The following ARL13B variants were observed in gnomAD, a reference collection of about 807,000 sequenced individuals.
ARL13B encodes ADP-ribosylation factor-like protein 13B.
A neutral mutation model predicts 56.1 loss-of-function variants in ARL13B; 36 were observed. The observed-to-expected ratio is 0.64, with a 90% CI of 0.49 to 0.85. ARL13B has a LOEUF of 0.85. Ranked by LOEUF, ARL13B falls within the 40% of genes least tolerant of loss-of-function variation. The pLI is 0.00. For missense variants in ARL13B, 519 were observed against 507.1 expected (o/e 1.02, Z -0.23); for synonymous variants, 178 against 171.1 (o/e 1.04, Z -0.32).
chr3:94,004,674 T>C (rs1179744048), intron 3 of ARL13B, among the ~76,000 whole-genome samples: 1 of 151,716 alleles, frequency 6.6e-6, no homozygotes, highest in Non-Finnish European at 1.5e-5. Context: ...AGATGAAAAA[T>C]TGTAGAGTTT....
intron 2 of ARL13B, among the ~76,000 whole-genome samples, chr3:93,997,519 G>A (rs1234241161): frequency 6.6e-6 from 1 of 152,120 alleles, no homozygotes; most frequent in Non-Finnish European, 1.5e-5. Flanking sequence ...CTATGTCTAT[G>A]CTATCTTCTA....
intron 2 of ARL13B, among the ~76,000 whole-genome samples, chr3:94,002,926 A>G (rs2076076823): frequency 6.6e-6 from 1 of 152,066 alleles, no homozygotes; most frequent in Non-Finnish European, 1.5e-5. Flanking sequence ...ATACAGCTTT[A>G]AGGCCTAAAT....
intron 7 of ARL13B, among the ~76,000 whole-genome samples, chr3:94,045,907 T>G (rs1204863950): frequency 7.5e-6 from 1 of 132,478 alleles, no homozygotes; most frequent in Non-Finnish European, 1.5e-5. Flanking sequence ...GCCGAGATGG[T>G]GCCACTGCAC....
rs546779411 is a variant in ARL13B, at chr3:94,000,619, A to ATG, written c.131-3022_131-3021dup. On this transcript the variant is annotated intron_variant, in intron 2 of 9. Coordinates refer to ENST00000394222, the MANE Select transcript of ARL13B (RefSeq NM_001174150.2). ...ATGTTTCATATGTAGTTATTTGTGT[A>ATG]TGTGTGTGTGTGTGTGTGTATATGT... Among the ~76,000 whole-genome samples the ATG allele has an allele frequency of 4.1e-3, 614 of 148,834 alleles. 3 individuals carry two copies. Among genetic ancestry groups the ATG allele is most frequent in the South Asian group, 7.7e-3 (36 of 4,704 alleles).
chr3:94,003,927 A>G lies in ARL13B; in HGVS notation c.380+19A>G, dbSNP rs1016476537. On this transcript the variant is annotated intron_variant, in intron 3 of 9. Coordinates refer to ENST00000394222, the MANE Select transcript of ARL13B (RefSeq NM_001174150.2). ...TATTGGTGTAAGTAATGTTAGCATC[A>G]TTGTAAATGTAGGGACGATGGCATT... is the stretch of plus-strand genomic sequence containing the variant. The G allele has an allele frequency of 5.0e-6, 8 of 1,612,896 alleles. No homozygotes were observed. Among genetic ancestry groups the G allele is most frequent in the South Asian group, 2.2e-5 (2 of 91,024 alleles).
At chr3:93,986,459 T>A (rs1377392401) in intron 1 of ARL13B, among the ~76,000 whole-genome samples, 1 of 152,244 alleles carries the variant, frequency 6.6e-6, no homozygotes, top group Non-Finnish European at 1.5e-5. Flanking sequence ...AGTGATTTTT[T>A]AAAATTCTCA....
chr3:94,022,682 G>A (rs1178822026), intron 3 of ARL13B, among the ~76,000 whole-genome samples: 1 of 151,892 alleles, frequency 6.6e-6, no homozygotes, highest in Non-Finnish European at 1.5e-5. Flanking sequence ...TCAATGGATA[G>A]AGATAGAAAA....
chr3:94,029,330 A>T lies in ARL13B; in HGVS notation c.381-6001A>T, dbSNP rs28432337. 4.1e-3 allele frequency among the ~76,000 whole-genome samples: 290 copies of T among 71,132 alleles called. 3 individuals are homozygous for T. The highest frequency in any genetic ancestry group is 0.012 in the African/African-American group (168 of 13,540). The allele number at this position is 71,132 out of a possible 152,430, so 46.7% of individuals were successfully genotyped here. On this transcript the variant is annotated intron_variant, in intron 3 of 9. Coordinates refer to ENST00000394222, the MANE Select transcript of ARL13B (RefSeq NM_001174150.2). Reference sequence around the variant, plus strand: ...TATATATATATATATATATATATATATATATTTATTTTTTTTTTATTTTTT... The same window carrying T: ...TATATATATATATATATATATATATTTATATTTATTTTTTTTTTATTTTTT...
intron 2 of ARL13B, among the ~76,000 whole-genome samples, chr3:94,002,738 G>T (rs1285643580): frequency 6.6e-6 from 1 of 152,058 alleles, no homozygotes; most frequent in Non-Finnish European, 1.5e-5. Context: ...CACTATTTCA[G>T]TCACCTTAAT....
chr3:94,043,879 A>G (rs1036095445), intron 7 of ARL13B, among the ~76,000 whole-genome samples: 1 of 149,902 alleles, frequency 6.7e-6, no homozygotes, highest in African/African-American at 2.5e-5. Flanking sequence ...TCTGGTCTCC[A>G]GCTCCTGGCC....
chr3:94,001,672 C>T (rs2076057540), intron 2 of ARL13B, among the ~76,000 whole-genome samples: 1 of 152,106 alleles, frequency 6.6e-6, no homozygotes, highest in Non-Finnish European at 1.5e-5. Context: ...GGACAGCAAT[C>T]ATATCTTACT....
chr3:94,031,655 C>CA (rs1339523782), intron 3 of ARL13B, among the ~76,000 whole-genome samples: 3 of 152,024 alleles, frequency 2.0e-5, no homozygotes, highest in Non-Finnish European at 4.4e-5. Context: ...TGATGCCTCT[C>CA]AAAATAAGAA....
intron 6 of ARL13B, among the ~76,000 whole-genome samples, chr3:94,042,317 A>G (rs548523256): frequency 1.3e-5 from 2 of 152,214 alleles, no homozygotes; most frequent in Admixed American, 6.5e-5. Context: ...AAATTTGCCT[A>G]CCCACTGACT....
At position 94,039,952 on chromosome 3, in the gene ARL13B, G is replaced by A. The variant is rs762923693; in HGVS notation, c.762G>A (p.Thr254=). 9 of 1,613,900 alleles carry A rather than the reference G, an allele frequency of 5.6e-6. No individual in the cohort carries two copies. The highest frequency in any genetic ancestry group is 1.3e-5 in the African/African-American group (1 of 74,928). ...TGGCTGAGTTGGACCCAGAACCAAC[G>A]AATCCTTTCCAGCCAATAGCATCTG... ...SGLAELDPEP[T]NPFQPIASVI... is the part of the protein sequence containing the mutation. The change falls in exon 6 of 10, where the codon ACG becomes ACA. Residue 254 remains threonine, a synonymous_variant. Transcript: ENST00000394222.
chr3:94,034,011 A>G (rs905578245), intron 3 of ARL13B, among the ~76,000 whole-genome samples: 1 of 152,146 alleles, frequency 6.6e-6, no homozygotes, highest in Non-Finnish European at 1.5e-5. Context: ...AAAAGAGTTA[A>G]GTGATAAGTA....
intron 3 of ARL13B, among the ~76,000 whole-genome samples, chr3:94,024,358 AAG>A (rs1301996868): frequency 1.3e-5 from 2 of 152,248 alleles, no homozygotes; most frequent in Non-Finnish European, 2.9e-5. Context: ...AGGCGAGAGA[AAG>A]AGAAAGTGGC....
rs1320529150 is a variant in ARL13B at position 94,003,648 on chromosome 3, A to G, written c.131-11A>G. The G allele has an allele frequency of 1.2e-6, 2 of 1,612,050 alleles. No homozygotes were observed. Among genetic ancestry groups the G allele is most frequent in the Non-Finnish European group, 8.5e-7 (1 of 1,179,132 alleles). ...TAAAGATTTTCTTTTTTTGTGTATCATTTGTAACAGAATACCCTGAAGATG... is the reference window on the plus strand; with the variant it reads ...TAAAGATTTTCTTTTTTTGTGTATCGTTTGTAACAGAATACCCTGAAGATG... On this transcript the variant is annotated splice_polypyrimidine_tract_variant and intron_variant, in intron 2 of 9. Transcript: ENST00000394222.
At chr3:94,032,276 G>A (rs2076689305) in intron 3 of ARL13B, among the ~76,000 whole-genome samples, 2 of 152,096 alleles carry the variant, frequency 1.3e-5, no homozygotes, top group Non-Finnish European at 1.5e-5. Flanking sequence ...AAGACATACA[G>A]ATGGCCAACA....
chr3:94,015,674 G>T (rs140247076), intron 3 of ARL13B, among the ~76,000 whole-genome samples: 1 of 151,890 alleles, frequency 6.6e-6, no homozygotes, highest in Admixed American at 6.6e-5. Flanking sequence ...TACTGTTTCC[G>T]GTTAATTTGG....
Sources: gnomAD v4.1 joint callset for allele counts (sites outside exome capture counted in the v4.1 genomes callset) on GRCh38, gnomAD v4.1.1 for gene constraint, MANE v1.5 for transcripts, NCBI Gene and HGNC (gene_info 2026-07-23, HGNC 2026-07-21) for gene names.